Variants in SCOC observed in about 807,000 individuals in gnomAD.
SCOC encodes short coiled coil protein.
In SCOC, 7 loss-of-function variants were observed where a neutral mutation model predicts 9.9. The ratio of observed to expected loss-of-function variants is 0.71; its 90% CI spans 0.40 to 1.33. The LOEUF is 1.33. Among genes scored for constraint, SCOC ranks in the 40% most tolerant of loss-of-function variants. SCOC has a pLI of 0.01. For synonymous variants in SCOC, 19 were observed against 28.2 expected (o/e 0.67, Z 1.03); for missense variants, 66 against 89.7 (o/e 0.74, Z 1.07).
At chr4:140,377,880 A>T (rs1477085673) in intron 1 of SCOC, among the ~76,000 whole-genome samples, 4 of 152,230 alleles carry the variant, frequency 2.6e-5, no homozygotes, top group Admixed American at 1.3e-4. Context: ...CATAGAAGAT[A>T]TTCAGTAAAT....
upstream of SCOC, among the ~76,000 whole-genome samples, chr4:140,370,835 T>G (rs930465068): frequency 6.6e-6 from 1 of 152,182 alleles, no homozygotes; most frequent in Non-Finnish European, 1.5e-5. Flanking sequence ...AGTGGCCTAC[T>G]TACGTTATTT....
chr4:140,352,036 G>T (rs1262246167), intron 2 of SCOC, among the ~76,000 whole-genome samples: 1 of 152,218 alleles, frequency 6.6e-6, no homozygotes. Flanking sequence ...CTGCGCAGAT[G>T]AGAGTCCCAG....
At chr4:140,359,091 T>C (rs564273447) in intron 2 of SCOC, among the ~76,000 whole-genome samples, 2 of 151,044 alleles carry the variant, frequency 1.3e-5, no homozygotes, top group African/African-American at 4.8e-5. Context: ...ACCCACAAGT[T>C]TGTGTTGTAG....
intron 1 of SCOC, among the ~76,000 whole-genome samples, chr4:140,329,429 C>T (rs1732743406): frequency 6.6e-6 from 1 of 152,066 alleles, no homozygotes; most frequent in Admixed American, 6.6e-5. Context: ...GCAAATGCAA[C>T]AAAAACAAAA....
At chr4:140,339,339 T>C (rs1487094459), upstream of SCOC, among the ~76,000 whole-genome samples, 2 of 151,748 alleles carry the variant, frequency 1.3e-5, no homozygotes, top group African/African-American at 4.8e-5. Flanking sequence ...CGTAAAACCA[T>C]AAAAACCCTA....
At chr4:140,305,684 G>T (rs142802801) in intron 1 of SCOC, among the ~76,000 whole-genome samples, 1 of 152,178 alleles carries the variant, frequency 6.6e-6, no homozygotes, top group Non-Finnish European at 1.5e-5. Flanking sequence ...AGAGAGGAAG[G>T]TAGGGGAGAG....
At chr4:140,330,856 T>C (rs1732797456) in intron 1 of SCOC, among the ~76,000 whole-genome samples, 1 of 152,214 alleles carries the variant, frequency 6.6e-6, no homozygotes, top group Non-Finnish European at 1.5e-5. Context: ...TTCTCTTCAT[T>C]AATACAAGAA....
intron 1 of SCOC, among the ~76,000 whole-genome samples, chr4:140,329,966 G>A (rs1450727445): frequency 1.3e-5 from 2 of 152,092 alleles, no homozygotes; most frequent in Admixed American, 6.6e-5. Flanking sequence ...TCTACCCAGA[G>A]GAAAAGAAGT....
chr4:140,333,407 A>G (rs1732874699), intron 1 of SCOC, among the ~76,000 whole-genome samples: 1 of 152,100 alleles, frequency 6.6e-6, no homozygotes, highest in Non-Finnish European at 1.5e-5. Flanking sequence ...TGTAGTATAT[A>G]TATTTGTGTA....
chr4:140,325,556 A>G (rs1392379237), intron 1 of SCOC, among the ~76,000 whole-genome samples: 1 of 152,196 alleles, frequency 6.6e-6, no homozygotes, highest in East Asian at 1.9e-4. Flanking sequence ...CTTTAAGAAG[A>G]TATCAATAGC....
At chr4:140,323,031 A>G (rs1376552215) in intron 1 of SCOC, among the ~76,000 whole-genome samples, 1 of 152,184 alleles carries the variant, frequency 6.6e-6, no homozygotes, top group African/African-American at 2.4e-5. Flanking sequence ...ACAATACATA[A>G]AATCAATGAA....
chr4:140,318,943 C>G (rs147959504), intron 1 of SCOC, among the ~76,000 whole-genome samples: 224 of 152,296 alleles, frequency 1.5e-3, no homozygotes, highest in African/African-American at 4.9e-3. Context: ...ATCTCCACTT[C>G]TGGTGCAGGA....
At chr4:140,306,407 T>G (rs975856399) in intron 1 of SCOC, among the ~76,000 whole-genome samples, 1 of 152,130 alleles carries the variant, frequency 6.6e-6, no homozygotes, top group African/African-American at 2.4e-5. Flanking sequence ...AGTACCCCTC[T>G]GAGTAAGTTA....
At chr4:140,314,225 C>T (rs1325129289) in intron 1 of SCOC, 1 of 209,294 alleles carries the variant, frequency 4.8e-6, no homozygotes, top group African/African-American at 2.3e-5. Flanking sequence ...TCTTTTCTAT[C>T]CCTGTCAGTT....
At chr4:140,347,577 G>C (rs750131760) in intron 2 of SCOC, among the ~76,000 whole-genome samples, 1 of 152,052 alleles carries the variant, frequency 6.6e-6, no homozygotes, top group Non-Finnish European at 1.5e-5. Flanking sequence ...CTTGGCTACT[G>C]TTCTCTCTCT....
rs150785563 is a variant in SCOC at position 140,356,633 on chromosome 4, A to C, written c.70+12925A>C. Among the ~76,000 whole-genome samples the C allele has an allele frequency of 3.9e-5, 6 of 152,286 alleles. No individual in the cohort carries two copies. The East Asian group carries it at 9.6e-4, about 24-fold the overall frequency. On this transcript the variant is annotated intron_variant, in intron 2 of 4. Transcript: ENST00000338517. ...TTCTGATGTTTCCTCATGATCAATAAGTTTGGCAAGAATATAGCAGAATGA... is the reference window on the plus strand; with the variant it reads ...TTCTGATGTTTCCTCATGATCAATACGTTTGGCAAGAATATAGCAGAATGA...
upstream of SCOC, among the ~76,000 whole-genome samples, chr4:140,369,796 T>C (rs1727963867): frequency 6.6e-6 from 1 of 150,800 alleles, no homozygotes; most frequent in African/African-American, 2.4e-5. Flanking sequence ...TAATCAAATA[T>C]TTCTATGCAA....
chr4:140,322,913 C>T (rs747739490), intron 1 of SCOC, among the ~76,000 whole-genome samples: 15 of 152,020 alleles, frequency 9.9e-5, no homozygotes, highest in South Asian at 2.1e-4. Context: ...CTTTAGAGGC[C>T]GCCATGCCCA....
rs149121014 is a variant in SCOC, at chr4:140,380,479, C to T, written c.107-483C>T. ...TCCCAAAGTGCTGGGATTACAGGTGCGAGCCACCGTGCCCAGCCGGAATTA... is the reference window on the plus strand; with the variant it reads ...TCCCAAAGTGCTGGGATTACAGGTGTGAGCCACCGTGCCCAGCCGGAATTA... On this transcript the variant is annotated intron_variant, in intron 3 of 3. Transcript: ENST00000608372. Among the ~76,000 whole-genome samples, 108 of 151,892 alleles carry T rather than the reference C, an allele frequency of 7.1e-4. No homozygotes were observed. The East Asian group carries it at 0.019, about 26-fold the overall frequency.
Sources: gnomAD v4.1 joint callset for allele counts (sites outside exome capture counted in the v4.1 genomes callset) on GRCh38, gnomAD v4.1.1 for gene constraint, MANE v1.5 for transcripts, NCBI Gene and HGNC (gene_info 2026-07-23, HGNC 2026-07-21) for gene names.